The following CDK19 variants were observed in gnomAD, a reference collection of about 807,000 sequenced individuals.
CDK19 encodes the protein cyclin-dependent kinase 19.
In CDK19, 20 loss-of-function variants were observed where a neutral mutation model predicts 68.3. The observed-to-expected ratio is 0.29, with a 90% CI of 0.21 to 0.43. The LOEUF is 0.43. CDK19 is among the 20% of genes least tolerant of loss of function. CDK19 has a pLI of 1.00. For missense variants in CDK19, 339 were observed against 623.5 expected (o/e 0.54, Z 4.86); for synonymous variants, 221 against 222.8 (o/e 0.99, Z 0.07).
At chr6:110,694,024 AACC>A (rs1009740626) in intron 2 of CDK19, among the ~76,000 whole-genome samples, 5 of 151,944 alleles carry the variant, frequency 3.3e-5, no homozygotes, top group Non-Finnish European at 7.4e-5. Context: ...ACCAAAATAG[AACC>A]TCCTCATAGC....
intron 2 of CDK19, among the ~76,000 whole-genome samples, chr6:110,735,173 C>A (rs1777153109): frequency 6.6e-6 from 1 of 151,320 alleles, no homozygotes; most frequent in African/African-American, 2.4e-5. Context: ...TCTCAAACTC[C>A]TGAGCTCAAG....
At chr6:110,624,367 T>C (rs994775057) in intron 8 of CDK19, among the ~76,000 whole-genome samples, 1 of 152,166 alleles carries the variant, frequency 6.6e-6, no homozygotes, top group Non-Finnish European at 1.5e-5. Context: ...TTTTTCATTA[T>C]ATATTCTTTC....
At chr6:110,631,750 T>C (rs1284167794) in intron 6 of CDK19, among the ~76,000 whole-genome samples, 1 of 152,222 alleles carries the variant, frequency 6.6e-6, no homozygotes, top group Non-Finnish European at 1.5e-5. Flanking sequence ...AGCTACTAAG[T>C]ACAAAATAAA....
intron 1 of CDK19, among the ~76,000 whole-genome samples, chr6:110,778,363 C>T (rs548715500): frequency 1.3e-5 from 2 of 152,170 alleles, no homozygotes; most frequent in East Asian, 1.9e-4. Flanking sequence ...CTCTTTAGTA[C>T]TGATTTAATT....
At chr6:110,695,608 CAAGAA>C (rs1337878315) in intron 2 of CDK19, among the ~76,000 whole-genome samples, 1 of 151,642 alleles carries the variant, frequency 6.6e-6, no homozygotes, top group African/African-American at 2.4e-5. Context: ...CAAGATTAAC[CAAGAA>C]AAGAAGAGAG....
In CDK19 at chr6:110,814,984, C is replaced by T. The variant is rs754089030; in HGVS notation, c.128+25G>A. On this transcript the variant is annotated intron_variant, in intron 1 of 12. Coordinates refer to ENST00000368911, the MANE Select transcript of CDK19 (RefSeq NM_015076.5). ...GGGCAGGGCGAGGACCCGAGCGAGCCTACTCCTCCCGCCCCTGCTCTTACC... is the reference window on the plus strand; with the variant it reads ...GGGCAGGGCGAGGACCCGAGCGAGCTTACTCCTCCCGCCCCTGCTCTTACC... 3 of 1,600,602 alleles carry T rather than the reference C, an allele frequency of 1.9e-6. No homozygotes were observed. In the East Asian group the frequency reaches 7.0e-5, roughly 37 times the overall value.
chr6:110,661,022 TAC>T (rs1438590836), intron 4 of CDK19, among the ~76,000 whole-genome samples: 1 of 152,248 alleles, frequency 6.6e-6, no homozygotes, highest in East Asian at 1.9e-4. Flanking sequence ...CCTCCTGGTA[TAC>T]ACACTATTGT....
At chr6:110,694,445 G>A (rs1026999416) in intron 2 of CDK19, among the ~76,000 whole-genome samples, 1 of 152,098 alleles carries the variant, frequency 6.6e-6, no homozygotes, top group Non-Finnish European at 1.5e-5. Context: ...AAAAGGATCG[G>A]TCCAACAGAA....
intron 2 of CDK19, among the ~76,000 whole-genome samples, chr6:110,683,517 A>T (rs1256559829): frequency 1.3e-5 from 2 of 152,172 alleles, no homozygotes; most frequent in African/African-American, 2.4e-5. Flanking sequence ...AAATGGCTAT[A>T]TGAAAGTTAT....
intron 1 of CDK19, among the ~76,000 whole-genome samples, chr6:110,782,612 T>A (rs1393308502): frequency 6.6e-6 from 1 of 152,308 alleles, no homozygotes; most frequent in Non-Finnish European, 1.5e-5. Context: ...TACAGGGACT[T>A]TTCACTGCCT....
intron 2 of CDK19, among the ~76,000 whole-genome samples, chr6:110,744,668 A>G (rs189537839): frequency 2.6e-5 from 4 of 152,348 alleles, no homozygotes; most frequent in African/African-American, 4.8e-5. Context: ...CTATGGTAGG[A>G]ACTAGAGATA....
intron 2 of CDK19, among the ~76,000 whole-genome samples, chr6:110,692,355 T>G (rs1022099847): frequency 1.3e-5 from 2 of 150,254 alleles, no homozygotes; most frequent in African/African-American, 4.9e-5. Flanking sequence ...TAGTAGAAAG[T>G]TTTAACAATA....
chr6:110,721,887 CA>C (rs1449655416), intron 2 of CDK19, among the ~76,000 whole-genome samples: 2 of 152,060 alleles, frequency 1.3e-5, no homozygotes, highest in Non-Finnish European at 2.9e-5. Flanking sequence ...TCACTTGAAC[CA>C]GGGAGACAGA....
At chr6:110,736,005 C>G (rs1777225237) in intron 2 of CDK19, among the ~76,000 whole-genome samples, 1 of 152,162 alleles carries the variant, frequency 6.6e-6, no homozygotes. Context: ...CTCAGCAGTG[C>G]CAGCCTTACT....
intron 1 of CDK19, among the ~76,000 whole-genome samples, chr6:110,771,611 C>T (rs966472618): frequency 9.9e-5 from 15 of 152,190 alleles, no homozygotes; most frequent in Admixed American, 6.5e-4. Flanking sequence ...TTCTGCTCCT[C>T]GTTACTTATG....
At chr6:110,646,434 G>A in intron 4 of CDK19, 1 of 1,500,634 alleles carries the variant, frequency 6.7e-7, no homozygotes, top group Non-Finnish European at 8.9e-7. Context: ...CCGCGCCGCA[G>A]CTACCCCATG....
chr6:110,801,705 G>T (rs1390590385), intron 1 of CDK19, among the ~76,000 whole-genome samples: 1 of 152,132 alleles, frequency 6.6e-6, no homozygotes, highest in East Asian at 1.9e-4. Flanking sequence ...TACAGACAGG[G>T]TTTCGCAGTG....
intron 2 of CDK19, among the ~76,000 whole-genome samples, chr6:110,685,037 C>T (rs1582859630): frequency 6.6e-6 from 1 of 152,246 alleles, no homozygotes; most frequent in East Asian, 1.9e-4. Context: ...ACCCAAGAGG[C>T]TGAGGCAGGA....
intron 4 of CDK19, among the ~76,000 whole-genome samples, chr6:110,662,038 C>T (rs1251185510): frequency 6.6e-6 from 1 of 152,124 alleles, no homozygotes; most frequent in Non-Finnish European, 1.5e-5. Context: ...GGCACGATCT[C>T]GGCTCACTGC....
Sources: allele counts gnomAD v4.1 joint callset (sites outside exome capture counted in the v4.1 genomes callset), GRCh38; gene constraint gnomAD v4.1.1; transcripts MANE v1.5; gene names NCBI Gene and HGNC (gene_info 2026-07-23, HGNC 2026-07-21).